The following NKAIN2 variants were observed in gnomAD, a reference collection of about 807,000 sequenced individuals.
NKAIN2 encodes sodium/potassium-transporting ATPase subunit beta-1-interacting protein 2.
In NKAIN2, 14 loss-of-function variants were observed where a neutral mutation model predicts 32.6. The ratio of observed to expected loss-of-function variants is 0.43; its 90% CI spans 0.28 to 0.67. NKAIN2 has a LOEUF of 0.67. NKAIN2 is among the 30% of genes least tolerant of loss of function. The pLI is 0.17. For synonymous variants in NKAIN2, 80 were observed against 87.2 expected (o/e 0.92, Z 0.46); for missense variants, 198 against 258.3 (o/e 0.77, Z 1.60).
intron 3 of NKAIN2, among the ~76,000 whole-genome samples, chr6:124,581,445 C>CAAAAAAAA (rs57280967): frequency 2.5e-5 from 2 of 81,424 alleles, no homozygotes; most frequent in African/African-American, 9.7e-5. Context: ...GACTCCGTCT[C>CAAAAAAAA]AAAAAAAAAA....
At chr6:124,104,878 G>T (rs1785045663) in intron 1 of NKAIN2, among the ~76,000 whole-genome samples, 1 of 152,204 alleles carries the variant, frequency 6.6e-6, no homozygotes, top group Non-Finnish European at 1.5e-5. Context: ...GGTAGCTAGT[G>T]TGTAGGTTTA....
intron 1 of NKAIN2, among the ~76,000 whole-genome samples, chr6:124,206,198 C>T (rs1460464520): frequency 4.6e-5 from 7 of 151,814 alleles, no homozygotes; most frequent in East Asian, 1.9e-4. Context: ...TATTTAAGCA[C>T]GAGCCTAAAG....
intron 3 of NKAIN2, among the ~76,000 whole-genome samples, chr6:124,466,860 A>G (rs1468931197): frequency 6.6e-6 from 1 of 152,134 alleles, no homozygotes; most frequent in Non-Finnish European, 1.5e-5. Context: ...TTTTCTTTCC[A>G]ATTATGAAAC....
intron 4 of NKAIN2, among the ~76,000 whole-genome samples, chr6:124,671,813 C>G (rs1467959904): frequency 6.6e-6 from 1 of 151,748 alleles, no homozygotes; most frequent in Non-Finnish European, 1.5e-5. Context: ...GCCTCACAAA[C>G]CAAAATCACC....
intron 3 of NKAIN2, among the ~76,000 whole-genome samples, chr6:124,433,963 T>C (rs1775329439): frequency 1.3e-5 from 2 of 152,138 alleles, no homozygotes; most frequent in African/African-American, 4.8e-5. Flanking sequence ...TGTCCTCCAT[T>C]CTCATAGGAT....
At chr6:124,254,344 T>C (rs1793825945) in intron 1 of NKAIN2, among the ~76,000 whole-genome samples, 1 of 152,212 alleles carries the variant, frequency 6.6e-6, no homozygotes, top group Admixed American at 6.5e-5. Flanking sequence ...GTAAAGGACA[T>C]CCCTATGAGA....
chr6:124,382,053 GT>G (rs1772667511), intron 3 of NKAIN2, among the ~76,000 whole-genome samples: 1 of 151,988 alleles, frequency 6.6e-6, no homozygotes, highest in African/African-American at 2.4e-5. Flanking sequence ...AGTTTAGATG[GT>G]TTTTAGGAAC....
At chr6:123,904,781 C>T (rs889878722) in intron 1 of NKAIN2, among the ~76,000 whole-genome samples, 51 of 152,134 alleles carry the variant, frequency 3.4e-4, no homozygotes, top group African/African-American at 9.4e-4. Flanking sequence ...CATTTTCAGT[C>T]AAATATTTCT....
At chr6:124,337,084 T>C (rs527900029) in intron 2 of NKAIN2, among the ~76,000 whole-genome samples, 1 of 152,302 alleles carries the variant, frequency 6.6e-6, no homozygotes, top group South Asian at 2.1e-4. Flanking sequence ...TATATGTGCT[T>C]CTAAAATGGG....
intron 3 of NKAIN2, among the ~76,000 whole-genome samples, chr6:124,546,380 A>G (rs759927562): frequency 1.3e-5 from 2 of 152,124 alleles, no homozygotes; most frequent in Non-Finnish European, 2.9e-5. Flanking sequence ...ATTGCTCTTT[A>G]TACGTCATCA....
rs532605341 is a variant in NKAIN2, at chr6:124,366,903, G to C, written c.273+11556G>C. On this transcript the variant is annotated intron_variant, in intron 3 of 6. Coordinates refer to ENST00000368417, the MANE Select transcript of NKAIN2 (RefSeq NM_001040214.3). ...AGATCGTGCCACTGCACTCCAGCCTGGGTGACAGAGTGAGACCCTGTCTCG... is the reference window on the plus strand; with the variant it reads ...AGATCGTGCCACTGCACTCCAGCCTCGGTGACAGAGTGAGACCCTGTCTCG... Among the ~76,000 whole-genome samples, 346 of 149,590 alleles carry C rather than the reference G, an allele frequency of 2.3e-3. 1 individual carries two copies. Among genetic ancestry groups the C allele is most frequent in the South Asian group, 4.4e-3 (21 of 4,732 alleles).
At chr6:124,507,806 G>A (rs144697070) in intron 3 of NKAIN2, among the ~76,000 whole-genome samples, 252 of 152,150 alleles carry the variant, frequency 1.7e-3, no homozygotes, top group African/African-American at 5.8e-3. Flanking sequence ...TACCAAACCC[G>A]GGGACATAAT....
intron 3 of NKAIN2, among the ~76,000 whole-genome samples, chr6:124,410,768 G>T (rs1428389714): frequency 3.9e-5 from 6 of 152,026 alleles, no homozygotes; most frequent in Non-Finnish European, 8.8e-5. Context: ...TTTCTGTCTC[G>T]ATCTGTCTAA....
intron 1 of NKAIN2, among the ~76,000 whole-genome samples, chr6:124,157,390 T>G (rs1788046467): frequency 6.6e-6 from 1 of 152,154 alleles, no homozygotes; most frequent in Non-Finnish European, 1.5e-5. Context: ...TCCTTCTTTA[T>G]TTTCTGTGTG....
intron 1 of NKAIN2, among the ~76,000 whole-genome samples, chr6:123,916,639 A>G (rs1775509736): frequency 6.6e-6 from 1 of 152,092 alleles, no homozygotes; most frequent in Non-Finnish European, 1.5e-5. Context: ...GGTGGATATG[A>G]AGGTGGGAGA....
chr6:124,219,905 G>A (rs1430572251), intron 1 of NKAIN2, among the ~76,000 whole-genome samples: 1 of 152,042 alleles, frequency 6.6e-6, no homozygotes. Flanking sequence ...AACAAATTTA[G>A]ATACGAAAGA....
intron 1 of NKAIN2, among the ~76,000 whole-genome samples, chr6:123,893,532 A>G (rs1330872711): frequency 2.0e-5 from 3 of 152,222 alleles, no homozygotes; most frequent in Non-Finnish European, 4.4e-5. Flanking sequence ...AAGCTCTAAA[A>G]GATAAAAACT....
intron 3 of NKAIN2, among the ~76,000 whole-genome samples, chr6:124,457,567 G>A (rs1776369771): frequency 6.6e-6 from 1 of 151,884 alleles, no homozygotes; most frequent in Middle Eastern, 3.2e-3. Flanking sequence ...AGCAGAGTTA[G>A]ATCATCTCTA....
At chr6:124,597,631 T>C (rs17052126) in intron 3 of NKAIN2, among the ~76,000 whole-genome samples, 2,324 of 152,138 alleles carry the variant, frequency 0.015, 63 homozygotes, top group African/African-American at 0.053. Context: ...GTGTTGACAT[T>C]TGAAAAGAAA....
Sources: gnomAD v4.1 joint callset for allele counts (sites outside exome capture counted in the v4.1 genomes callset) on GRCh38, gnomAD v4.1.1 for gene constraint, MANE v1.5 for transcripts, NCBI Gene and HGNC (gene_info 2026-07-23, HGNC 2026-07-21) for gene names.